ARHGAP42: variants seen among roughly 807,000 people sequenced by gnomAD.
ARHGAP42 encodes rho GTPase-activating protein 42.
Under a neutral mutation model 125.0 loss-of-function variants are expected in ARHGAP42, and 63 were observed. The ratio of observed to expected loss-of-function variants is 0.50; its 90% CI spans 0.41 to 0.62. The LOEUF (loss-of-function observed/expected upper bound fraction) is 0.62, where lower values mean the gene tolerates loss of function less well. Ranked by LOEUF, ARHGAP42 falls within the 20% of genes least tolerant of loss-of-function variation. The probability of loss-of-function intolerance (pLI) is 0.00; values close to 1 mark genes in which losing one functional copy is unlikely to be tolerated. For synonymous variants in ARHGAP42, 339 were observed against 351.0 expected (o/e 0.97, Z 0.38); for missense variants, 766 against 1,024.2 (o/e 0.75, Z 3.44).
At chr11:100,753,363 C>T (rs1034253306) in intron 1 of ARHGAP42, among the ~76,000 whole-genome samples, 2 of 152,142 alleles carry the variant, frequency 1.3e-5, no homozygotes, top group Non-Finnish European at 2.9e-5. Flanking sequence ...CGTCTTTGCT[C>T]AATACTGCCC....
intron 4 of ARHGAP42, among the ~76,000 whole-genome samples, chr11:100,874,278 C>A (rs1189023478): frequency 6.6e-6 from 1 of 152,168 alleles, no homozygotes; most frequent in Admixed American, 6.5e-5. Context: ...CAATAGACAG[C>A]ACTAATCTAT....
intron 4 of ARHGAP42, among the ~76,000 whole-genome samples, chr11:100,891,217 T>A (rs758069092): frequency 5.9e-5 from 9 of 152,150 alleles, no homozygotes; most frequent in Non-Finnish European, 1.3e-4. Flanking sequence ...GACTCTTGTT[T>A]TGTTCACAGG....
intron 1 of ARHGAP42, among the ~76,000 whole-genome samples, chr11:100,711,521 AT>A (rs1314975144): frequency 1.3e-5 from 2 of 151,898 alleles, no homozygotes; most frequent in African/African-American, 2.4e-5. Flanking sequence ...TGCCCAGATA[AT>A]TTTTTGTCTA....
intron 1 of ARHGAP42, among the ~76,000 whole-genome samples, chr11:100,720,683 C>CT (rs11304347): frequency 2.6e-4 from 39 of 150,458 alleles, no homozygotes; most frequent in Admixed American, 1.3e-3. Flanking sequence ...TTGAGATAAC[C>CT]TTTTTTTTTT....
At chr11:100,818,022 A>G (rs1403210603) in intron 3 of ARHGAP42, among the ~76,000 whole-genome samples, 1 of 152,206 alleles carries the variant, frequency 6.6e-6, no homozygotes, top group Non-Finnish European at 1.5e-5. Flanking sequence ...ATTGCAAACC[A>G]TTCATATTGG....
At chr11:100,879,674 C>A (rs11224500) in intron 4 of ARHGAP42, among the ~76,000 whole-genome samples, 1 of 151,892 alleles carries the variant, frequency 6.6e-6, no homozygotes, top group Non-Finnish European at 1.5e-5. Context: ...CTGTGAGCTG[C>A]GACCTCCCTG....
At chr11:100,809,323 C>CA (rs1430736016) in intron 3 of ARHGAP42, among the ~76,000 whole-genome samples, 1 of 152,152 alleles carries the variant, frequency 6.6e-6, no homozygotes, top group Admixed American at 6.5e-5. Context: ...GACGCTTGAC[C>CA]AATTACCCAA....
At chr11:100,974,327 G>A in intron 18 of ARHGAP42, 132 bp from the exon 19 acceptor site, 1 of 809,890 alleles carries the variant, frequency 1.2e-6, no homozygotes, top group South Asian at 3.0e-5. Context: ...CAGATAAATG[G>A]AAAAGTTACA....
chr11:100,705,013 CAAAAAA>C (rs1211966921), intron 1 of ARHGAP42, among the ~76,000 whole-genome samples: 2 of 54,778 alleles, frequency 3.7e-5, no homozygotes, highest in African/African-American at 7.8e-5. Context: ...ACAACAACAA[CAAAAAA>C]AAAAAAAAAA....
At chr11:100,953,194 T>C (rs891912208) in intron 12 of ARHGAP42, among the ~76,000 whole-genome samples, 1 of 152,132 alleles carries the variant, frequency 6.6e-6, no homozygotes, top group Non-Finnish European at 1.5e-5. Flanking sequence ...AATTTCAGTA[T>C]GTAACTTCTC....
At chr11:100,699,170 C>G (rs1861346752) in intron 1 of ARHGAP42, among the ~76,000 whole-genome samples, 2 of 152,172 alleles carry the variant, frequency 1.3e-5, no homozygotes, top group South Asian at 2.1e-4. Context: ...GGGGATATAA[C>G]TACCCTGATG....
In ARHGAP42 at chr11:100,895,220, A is replaced by ATCAT. The variant is rs143864674; in HGVS notation, c.385-18208_385-18205dup. 4.6e-4 allele frequency among the ~76,000 whole-genome samples: 70 copies of ATCAT among 152,214 alleles called. 1 individual carries two copies. The highest frequency in any genetic ancestry group is 3.3e-3 in the East Asian group (17 of 5,176). Reference sequence around the variant, plus strand: ...ACAGTGTTTACAGAATTGGCTAAACATCATTCATTCATTCATTCATTCATT... The same window carrying ATCAT: ...ACAGTGTTTACAGAATTGGCTAAACATCATTCATTCATTCATTCATTCATTCATT... On this transcript the variant is annotated intron_variant, in intron 4 of 23. Coordinates refer to ENST00000298815, the MANE Select transcript of ARHGAP42 (RefSeq NM_152432.4).
intron 4 of ARHGAP42, among the ~76,000 whole-genome samples, chr11:100,889,145 A>G (rs1312101991): frequency 1.3e-5 from 2 of 152,226 alleles, no homozygotes; most frequent in African/African-American, 4.8e-5. Context: ...GTGAATCACT[A>G]AAGTGATTGT....
chr11:100,702,723 G>A (rs1483039530), intron 1 of ARHGAP42, among the ~76,000 whole-genome samples: 1 of 149,196 alleles, frequency 6.7e-6, no homozygotes, highest in Admixed American at 6.7e-5. Context: ...CCAGGCTGAA[G>A]TGCAATGGCA....
chr11:100,893,565 C>T (rs550082017), intron 4 of ARHGAP42, among the ~76,000 whole-genome samples: 2 of 152,186 alleles, frequency 1.3e-5, no homozygotes, highest in African/African-American at 4.8e-5. Context: ...TCACCTTATT[C>T]AGTTCAACTG....
intron 13 of ARHGAP42, among the ~76,000 whole-genome samples, chr11:100,960,279 G>T: frequency 6.7e-6 from 1 of 149,494 alleles, no homozygotes; most frequent in Non-Finnish European, 1.5e-5. Context: ...TAAGGAGCTT[G>T]TCTTCACTCC....
intron 4 of ARHGAP42, among the ~76,000 whole-genome samples, chr11:100,898,267 G>A (rs988719681): frequency 9.9e-5 from 15 of 152,124 alleles, no homozygotes; most frequent in Middle Eastern, 3.4e-3. Flanking sequence ...GGATTTTTAC[G>A]TCGATGTTCA....
intron 4 of ARHGAP42, among the ~76,000 whole-genome samples, chr11:100,884,838 G>T (rs1200162515): frequency 1.3e-5 from 2 of 152,164 alleles, no homozygotes; most frequent in Non-Finnish European, 2.9e-5. Flanking sequence ...TAGATAGAGA[G>T]CCTGGGTGGT....
intron 1 of ARHGAP42, among the ~76,000 whole-genome samples, chr11:100,725,550 T>G (rs893130352): frequency 6.6e-6 from 1 of 151,984 alleles, no homozygotes; most frequent in Non-Finnish European, 1.5e-5. Context: ...TCCAGCACTT[T>G]TCGGAGCTGA....
Sources: gnomAD v4.1 joint callset for allele counts (sites outside exome capture counted in the v4.1 genomes callset) on GRCh38, gnomAD v4.1.1 for gene constraint, MANE v1.5 for transcripts, NCBI Gene and HGNC (gene_info 2026-07-23, HGNC 2026-07-21) for gene names.